The following SLC25A30 variants were observed in gnomAD, a reference collection of about 807,000 sequenced individuals.
The protein encoded by SLC25A30 is solute carrier family 25 member 30.
SLC25A30 carries 29 observed loss-of-function variants against 42.7 expected under a neutral mutation model. That is an observed-to-expected ratio of 0.68 (90% CI 0.51 to 0.93). The LOEUF (loss-of-function observed/expected upper bound fraction) is 0.93, where lower values mean the gene tolerates loss of function less well. Ranked by LOEUF, SLC25A30 falls within the 40% of genes least tolerant of loss-of-function variation. The pLI is 0.00. For synonymous variants in SLC25A30, 124 were observed against 131.0 expected (o/e 0.95, Z 0.37); for missense variants, 300 against 359.7 (o/e 0.83, Z 1.34).
chr13:45,412,816 T>C (rs1461149916), intron 1 of SLC25A30, among the ~76,000 whole-genome samples: 1 of 152,216 alleles, frequency 6.6e-6, no homozygotes, highest in Non-Finnish European at 1.5e-5. Context: ...TGCAGTTGTA[T>C]GTAATTAGAG....
At chr13:45,428,251 C>T in the SLC25A30 span, among the ~76,000 whole-genome samples, 8 of 151,642 alleles carry the variant, frequency 5.3e-5, no homozygotes, top group South Asian at 1.3e-3. Flanking sequence ...CTCACTCTGT[C>T]GCCCAGGAGT....
chr13:45,402,693 A>C, intron 5 of SLC25A30: 91 of 746,986 alleles, frequency 1.2e-4, no homozygotes, highest in East Asian at 2.6e-4. Context: ...CTTCCCTACT[A>C]CTATATAGGT....
At chr13:45,419,500 G>A (rs1883818952), upstream of SLC25A30, among the ~76,000 whole-genome samples, 1 of 149,632 alleles carries the variant, frequency 6.7e-6, no homozygotes, top group African/African-American at 2.4e-5. Flanking sequence ...TGTATTTTTA[G>A]TAGAGATGGG....
At chr13:45,397,201 C>T (rs539668828) in intron 9 of SLC25A30, 57 bp downstream of exon 9, 1 of 1,146,214 alleles carries the variant, frequency 8.7e-7, no homozygotes, top group Non-Finnish European at 1.3e-6. Context: ...AGAGTTTATA[C>T]AAATAGTATT....
the SLC25A30 span, among the ~76,000 whole-genome samples, chr13:45,423,535 C>T: frequency 0.023 from 1,857 of 80,936 alleles, 129 homozygotes; most frequent in African/African-American, 0.097. Flanking sequence ...AATATATATA[C>T]AAATATATAT....
the SLC25A30 span, among the ~76,000 whole-genome samples, chr13:45,425,823 G>T: frequency 1.4e-5 from 2 of 146,088 alleles, no homozygotes; most frequent in African/African-American, 5.0e-5. Context: ...CTCCAGAGTA[G>T]CTGGGATTAC....
chr13:45,405,953 C>T lies in SLC25A30; in HGVS notation c.237G>A (p.Gln79=). Residue 79 remains glutamine, a synonymous_variant, in exon 4 of 10, where the codon CAG becomes CAA. Transcript: ENST00000519676. ...CTATCTTGATGGTGCCATAGGATGCCTGGCGTAACATCGCGGGGGCAATCC... is the reference window on the plus strand; with the variant it reads ...CTATCTTGATGGTGCCATAGGATGCTTGGCGTAACATCGCGGGGGCAATCC... ...YSGIAPAMLR[Q]ASYGTIKIGT... The T allele has an allele frequency of 6.2e-7, 1 of 1,614,202 alleles. No homozygotes were observed.
upstream of SLC25A30, among the ~76,000 whole-genome samples, chr13:45,422,448 T>A (rs1474875732): frequency 1.3e-5 from 2 of 152,156 alleles, no homozygotes; most frequent in South Asian, 2.1e-4. Context: ...TAGGCCAGTG[T>A]TCCTAGCTGG....
In SLC25A30 at chr13:45,404,432, A is replaced by G; in HGVS notation, c.308-20T>C. 1 of 1,536,392 alleles carries G rather than the reference A, an allele frequency of 6.5e-7. No individual in the cohort carries two copies. The highest frequency in any genetic ancestry group is 9.0e-7 in the Non-Finnish European group (1 of 1,109,304). On this transcript the variant is annotated intron_variant, in intron 4 of 9. Coordinates refer to ENST00000519676, the MANE Select transcript of SLC25A30 (RefSeq NM_001010875.4). ...TTTCATCTGTAAACAATGACACATT[A>G]TTTGACTCTACATATTTAGAGTTCT...
chr13:45,418,078 G>C (rs1162296467), intron 1 of SLC25A30: 1 of 153,382 alleles, frequency 6.5e-6, no homozygotes, highest in Non-Finnish European at 1.4e-5. Context: ...CCGACCCAAG[G>C]AGGCAGCAGC....
rs1259330046 is a variant in SLC25A30, at chr13:45,401,068, A to C, written c.614+15T>G. 2 of 1,563,356 alleles carry C rather than the reference A, an allele frequency of 1.3e-6. No homozygotes were observed. On this transcript the variant is annotated intron_variant, in intron 7 of 9. Transcript: ENST00000519676. ...TAGAATTTCTATAATTTTTTAAAAA[A>C]AGCCATGAACATACAGGAAGTGGGT...
intron 7 of SLC25A30, 135 bp from the exon 8 acceptor site, chr13:45,399,213 GTTTTGT>G: frequency 9.8e-7 from 1 of 1,019,396 alleles, no homozygotes; most frequent in South Asian, 1.8e-5. Context: ...GTTTTGTTTT[GTTTTGT>G]TTTTGAGACG....
At chr13:45,407,675 A>G (rs1882643271) in intron 3 of SLC25A30, among the ~76,000 whole-genome samples, 1 of 152,188 alleles carries the variant, frequency 6.6e-6, no homozygotes, top group Non-Finnish European at 1.5e-5. Context: ...TGTCCTGTGT[A>G]TACCTTCAGA....
At chr13:45,399,797 C>G (rs1243095681) in intron 7 of SLC25A30, among the ~76,000 whole-genome samples, 2 of 151,846 alleles carry the variant, frequency 1.3e-5, no homozygotes, top group Non-Finnish European at 2.9e-5. Context: ...GATCTCCTTA[C>G]TATAATGCCC....
intron 1 of SLC25A30, among the ~76,000 whole-genome samples, chr13:45,414,969 T>A (rs1883397419): frequency 6.6e-6 from 1 of 152,162 alleles, no homozygotes. Context: ...CTGGGCAGCA[T>A]CTCGGGGAAG....
chr13:45,407,359 G>A (rs550307693), intron 3 of SLC25A30, among the ~76,000 whole-genome samples: 1 of 152,024 alleles, frequency 6.6e-6, no homozygotes, highest in African/African-American at 2.4e-5. Context: ...GGGCAACCGA[G>A]TGAAACGCCA....
At chr13:45,429,647 A>G in the SLC25A30 span, among the ~76,000 whole-genome samples, 26 of 151,984 alleles carry the variant, frequency 1.7e-4, no homozygotes, top group South Asian at 5.2e-3. Context: ...TCTGGGCAAC[A>G]TGGAGAGACC....
At chr13:45,431,209 G>A in the SLC25A30 span, among the ~76,000 whole-genome samples, 316 of 148,602 alleles carry the variant, frequency 2.1e-3, 2 homozygotes, top group African/African-American at 7.4e-3. Flanking sequence ...CACCACACCC[G>A]GCTAATTTTG....
intron 2 of SLC25A30, among the ~76,000 whole-genome samples, chr13:45,409,772 A>G (rs960538124): frequency 3.9e-5 from 6 of 152,186 alleles, no homozygotes. Flanking sequence ...TCACGTCACC[A>G]TACTCCAGAC....
Sources: gnomAD v4.1 joint callset for allele counts (sites outside exome capture counted in the v4.1 genomes callset) on GRCh38, gnomAD v4.1.1 for gene constraint, MANE v1.5 for transcripts, NCBI Gene and HGNC (gene_info 2026-07-23, HGNC 2026-07-21) for gene names.